The following CLIP1 variants were observed in gnomAD, a reference collection of about 807,000 sequenced individuals.
CLIP1 encodes CAP-Gly domain containing linker protein 1, also known as CAP-Gly domain-containing linker protein 1.
CLIP1 carries 66 observed loss-of-function variants against 161.6 expected under a neutral mutation model. The ratio of observed to expected loss-of-function variants is 0.41; its 90% CI spans 0.33 to 0.50. The LOEUF (loss-of-function observed/expected upper bound fraction) is 0.50. Among genes scored for constraint, CLIP1 ranks in the 20% least tolerant of loss-of-function variants. CLIP1 has a pLI of 0.27. For missense variants in CLIP1, 1,376 were observed against 1,702.0 expected, an observed-to-expected ratio of 0.81 and a Z score of 3.37; for synonymous variants, 598 against 626.2, an observed-to-expected ratio of 0.96 and a Z score of 0.67.
chr12:122,397,823 C>T (rs61954442), intron 1 of CLIP1, among the ~76,000 whole-genome samples: 14,481 of 151,382 alleles, frequency 0.096, 1,215 homozygotes, highest in East Asian at 0.45. Context: ...AGAGTGGAGG[C>T]GCATGCCTGT....
At chr12:122,404,105 G>A (rs780303235) in intron 1 of CLIP1, among the ~76,000 whole-genome samples, 2 of 152,184 alleles carry the variant, frequency 1.3e-5, no homozygotes, top group African/African-American at 2.4e-5. Context: ...TAAGAGCATC[G>A]TTGACTCTGG....
At position 122,355,654 on chromosome 12, in the gene CLIP1, A is replaced by C; in HGVS notation, c.1006-342T>G. The C allele has an allele frequency of 4.5e-6, 1 of 222,068 alleles. No individual in the cohort carries two copies. The highest frequency in any genetic ancestry group is 8.9e-6 in the Non-Finnish European group (1 of 112,006). 13.8% of individuals were successfully genotyped at this position (222,068 alleles called of 1,614,324 possible). A position where few individuals can be genotyped will look rare whatever the true frequency, so the allele number is the denominator to read the frequency against. On this transcript the variant is annotated intron_variant, in intron 5 of 25. Coordinates refer to ENST00000620786, the MANE Select transcript of CLIP1 (RefSeq NM_001247997.2). This position sits in a 1 kb window ranked among gnomAD's most constrained non-coding sequence, Gnocchi z 4.1. ...ACCCCATCTCTACTAAAAATACAAA[A>C]ATTAGCTGGAGTGCAGTGGTGCGAT...
At chr12:122,330,764 T>TCA (rs145493297) in intron 15 of CLIP1, among the ~76,000 whole-genome samples, 20,934 of 151,118 alleles carry the variant, frequency 0.14, 1,840 homozygotes, top group East Asian at 0.46. Flanking sequence ...CACGCTCAGC[T>TCA]CATTTTTTGT....
At position 122,319,966 on chromosome 12, in the gene CLIP1, A is replaced by G. The variant is rs1364214188; in HGVS notation, c.3250-618T>C. Among the ~76,000 whole-genome samples the G allele has an allele frequency of 2.6e-5, 4 of 152,204 alleles. No homozygotes were observed. The South Asian group carries it at 6.2e-4, about 24-fold the overall frequency. On this transcript the variant is annotated intron_variant, in intron 17 of 25. Transcript: ENST00000620786. The stretch of plus-strand genomic sequence containing the variant: ...GACAAATTCTTAGCTGTTAACTATC[A>G]AAATTAATTATAAAAAGTTAGATAT...
chr12:122,328,321 T>C lies in CLIP1; in HGVS notation c.2973A>G (p.Gln991=), dbSNP rs752129522. ...DMTVKAEQSQ[Q]EAAKKHEEEK... is the part of the protein sequence containing the mutation. ...CTTCCTCATGCTTTTTAGCTGCTTC[T>C]TGCTGGCTCTGTTCAGCTTTGACAG... is the stretch of plus-strand genomic sequence containing the variant. The change falls in exon 16 of 26, where the codon CAA becomes CAG. Residue 991 remains glutamine, a synonymous_variant. Transcript: ENST00000620786. The C allele has an allele frequency of 3.3e-5, 54 of 1,614,082 alleles. 1 individual carries two copies. The South Asian group carries it at 5.8e-4, about 17-fold the overall frequency.
intron 12 of CLIP1, among the ~76,000 whole-genome samples, chr12:122,335,751 G>A (rs1306179108): frequency 6.6e-6 from 1 of 151,656 alleles, no homozygotes; most frequent in East Asian, 1.9e-4. Context: ...AGGCTGCAGT[G>A]AGCCGAGATC....
chr12:122,375,016 C>G (rs1954649809), intron 3 of CLIP1, among the ~76,000 whole-genome samples: 1 of 152,140 alleles, frequency 6.6e-6, no homozygotes, highest in Non-Finnish European at 1.5e-5. Context: ...ACATCACATC[C>G]TAGAAATATC....
rs558420942 is a variant in CLIP1 at position 122,327,061 on chromosome 12, A to T, written c.3249+886T>A. Reference sequence around the variant, plus strand: ...CTAAACTCCTATAAACACATTAAAAATAAAGAAAGGTGAATATTTACTTTC... The same window carrying T: ...CTAAACTCCTATAAACACATTAAAATTAAAGAAAGGTGAATATTTACTTTC... On this transcript the variant is annotated intron_variant, in intron 17 of 25. Transcript: ENST00000620786. Among the ~76,000 whole-genome samples the T allele has an allele frequency of 5.9e-5, 9 of 152,366 alleles. No homozygotes were observed. In the South Asian group the frequency reaches 1.9e-3, roughly 32 times the overall value.
intron 10 of CLIP1, 139 bp from the exon 11 acceptor site, chr12:122,341,836 T>A: frequency 3.7e-6 from 2 of 545,386 alleles, no homozygotes; most frequent in Non-Finnish European, 5.7e-6. Context: ...CAGGCTGGAG[T>A]ACAATGGTGC....
intron 5 of CLIP1, among the ~76,000 whole-genome samples, chr12:122,357,877 G>A (rs575232767): frequency 2.0e-5 from 3 of 151,292 alleles, no homozygotes; most frequent in African/African-American, 4.9e-5. Flanking sequence ...GCCTCTGCTC[G>A]GCCGCCCCTA....
intron 5 of CLIP1, among the ~76,000 whole-genome samples, chr12:122,357,844 GC>G (rs1392934945): frequency 6.6e-6 from 1 of 150,806 alleles, no homozygotes; most frequent in African/African-American, 2.4e-5. Context: ...CCGGCCAGCC[GC>G]CCCGCCTGGG....
intron 4 of CLIP1, among the ~76,000 whole-genome samples, chr12:122,361,678 C>A (rs1953818380): frequency 6.6e-6 from 1 of 152,102 alleles, no homozygotes; most frequent in South Asian, 2.1e-4. Flanking sequence ...CCAGCCAGGG[C>A]AATATGGACA....
At chr12:122,360,773 CA>C (rs1169444858) in intron 5 of CLIP1, 185 bp downstream of exon 5, 1 of 547,910 alleles carries the variant, frequency 1.8e-6, no homozygotes. Flanking sequence ...TTTCTGATTT[CA>C]AAAAACGCAT....
intron 1 of CLIP1, among the ~76,000 whole-genome samples, chr12:122,417,998 G>A (rs778991702): frequency 6.6e-5 from 10 of 151,898 alleles, no homozygotes; most frequent in African/African-American, 2.4e-4. Flanking sequence ...TCCTCTTGCT[G>A]CCCTATGTAA....
At chr12:122,361,905 T>C (rs1000285029) in intron 4 of CLIP1, among the ~76,000 whole-genome samples, 3 of 152,090 alleles carry the variant, frequency 2.0e-5, no homozygotes, top group Non-Finnish European at 4.4e-5. Flanking sequence ...GTTATTCATA[T>C]AACCAAACAC....
chr12:122,301,399 G>A (rs530049691), intron 20 of CLIP1, among the ~76,000 whole-genome samples: 54 of 152,316 alleles, frequency 3.5e-4, no homozygotes, highest in African/African-American at 1.1e-3. Context: ...GGTCGGGCGC[G>A]GCGGCTCATG....
At chr12:122,345,674 T>A (rs1301457641) in intron 10 of CLIP1, among the ~76,000 whole-genome samples, 1 of 152,124 alleles carries the variant, frequency 6.6e-6, no homozygotes, top group African/African-American at 2.4e-5. Context: ...AGAGACAGAG[T>A]AATTTTTGGA....
At chr12:122,328,207 G>C (rs1377450080) in intron 16 of CLIP1, 45 bp from the exon 17 acceptor site, 5 of 1,613,178 alleles carry the variant, frequency 3.1e-6, no homozygotes, top group Non-Finnish European at 4.2e-6. Context: ...GCCCATGCGT[G>C]TACTATCCCT....
intron 10 of CLIP1, chr12:122,342,838 A>C (rs938793171): frequency 7.3e-5 from 11 of 151,506 alleles, no homozygotes; most frequent in African/African-American, 1.9e-4. Context: ...AAAAAAAAAA[A>C]AAACAAACTG....
Sources: allele counts gnomAD v4.1 joint callset (sites outside exome capture counted in the v4.1 genomes callset), GRCh38; gene constraint gnomAD v4.1.1; non-coding constraint Gnocchi (gnomAD v3.1); transcripts MANE v1.5; gene names NCBI Gene and HGNC (gene_info 2026-07-23, HGNC 2026-07-21).